Variants in IL1RAPL2 observed in about 807,000 individuals in gnomAD.
IL1RAPL2 encodes X-linked interleukin-1 receptor accessory protein-like 2.
IL1RAPL2 carries 3 observed loss-of-function variants against 44.1 expected under a neutral mutation model. The ratio of observed to expected loss-of-function variants is 0.07; its 90% CI spans 0.03 to 0.18. IL1RAPL2 has a LOEUF of 0.18. IL1RAPL2 is among the 10% of genes least tolerant of loss of function. The pLI, the probability that IL1RAPL2 is intolerant of heterozygous loss-of-function variation, is 1.00. For synonymous variants in IL1RAPL2, 181 were observed against 178.8 expected, an observed-to-expected ratio of 1.01 and a Z score of -0.10; for missense variants, 391 against 496.4, an observed-to-expected ratio of 0.79 and a Z score of 2.02.
rs187395368 is a variant in IL1RAPL2 at position 105,479,527 on chromosome X, G to T, written c.698-4786G>T. On this transcript the variant is annotated intron_variant, in intron 5 of 10. Coordinates refer to ENST00000372582, the MANE Select transcript of IL1RAPL2 (RefSeq NM_017416.2). ...GGCCGAGGCGGGTGGATTACCTGAG[G>T]TCGGGAGTTCGAGACCAGCCTGACC... Among the ~76,000 whole-genome samples the T allele has an allele frequency of 1.5e-4, 16 of 110,003 alleles. No homozygotes were observed. The Admixed American group carries it at 1.6e-3, about 11-fold the overall frequency.
chrX:105,637,564 A>G (rs2037533429), intron 6 of IL1RAPL2, among the ~76,000 whole-genome samples: 2 of 105,885 alleles, frequency 1.9e-5, no homozygotes, highest in Non-Finnish European at 3.9e-5. Flanking sequence ...AATCTGAATG[A>G]CAATTGTCTG....
chrX:104,941,236 T>C (rs1384783148), intron 2 of IL1RAPL2, among the ~76,000 whole-genome samples: 4 of 110,957 alleles, frequency 3.6e-5, no homozygotes, highest in Non-Finnish European at 7.5e-5. Context: ...AATGGCTGGG[T>C]CAAATGGTAT....
intron 5 of IL1RAPL2, among the ~76,000 whole-genome samples, chrX:105,400,615 T>C (rs1007782446): frequency 1.4e-4 from 16 of 111,718 alleles, no homozygotes; most frequent in African/African-American, 4.9e-4. Flanking sequence ...ATCCTAATGC[T>C]GTTGGTGATG....
chrX:105,588,271 G>A (rs995744392), intron 6 of IL1RAPL2, among the ~76,000 whole-genome samples: 12 of 111,333 alleles, frequency 1.1e-4, no homozygotes, highest in Non-Finnish European at 1.3e-4. Flanking sequence ...CAAGATCACC[G>A]TGTATTATTC....
chrX:105,681,123 G>A (rs2037921784), intron 6 of IL1RAPL2, among the ~76,000 whole-genome samples: 1 of 111,547 alleles, frequency 9.0e-6, no homozygotes, highest in African/African-American at 3.3e-5. Context: ...GGTCTTCAAG[G>A]GAAAGGGGAA....
chrX:105,036,951 G>A (rs73518240), intron 2 of IL1RAPL2, among the ~76,000 whole-genome samples: 7,661 of 111,539 alleles, frequency 0.069, 697 homozygotes, highest in African/African-American at 0.24. Context: ...TCTAGAGAAA[G>A]TGGAGAAACT....
At chrX:105,105,060 G>A (rs1407505607) in intron 2 of IL1RAPL2, among the ~76,000 whole-genome samples, 2 of 111,768 alleles carry the variant, frequency 1.8e-5, no homozygotes, top group Non-Finnish European at 3.8e-5. Context: ...ATAATTACTT[G>A]TTAGGCAATT....
intron 2 of IL1RAPL2, among the ~76,000 whole-genome samples, chrX:105,106,432 A>T (rs1357576721): frequency 9.0e-6 from 1 of 110,790 alleles, no homozygotes; most frequent in Non-Finnish European, 1.9e-5. Context: ...AATAAGTACT[A>T]GTTGGATAAT....
At chrX:105,443,501 C>T (rs1602414296) in intron 5 of IL1RAPL2, among the ~76,000 whole-genome samples, 1 of 111,729 alleles carries the variant, frequency 9.0e-6, no homozygotes, top group African/African-American at 3.3e-5. Flanking sequence ...CCACAATCCC[C>T]CACTACCTTT....
In IL1RAPL2 at chrX:105,523,441, C is replaced by A. The variant is rs2147790227; in HGVS notation, c.772+39054C>A. On this transcript the variant is annotated intron_variant, in intron 6 of 10. Coordinates refer to ENST00000372582, the MANE Select transcript of IL1RAPL2 (RefSeq NM_017416.2). ...TCCTGTAGCATGTTTTTCACAGAGC[C>A]TGGTACATACTAAGTGTTCAAATCC... 1.8e-5 allele frequency among the ~76,000 whole-genome samples: 2 copies of A among 111,438 alleles called. 1 individual carries two copies. The highest frequency in any genetic ancestry group is 1.9e-4 in the Admixed American group (2 of 10,477).
intron 2 of IL1RAPL2, among the ~76,000 whole-genome samples, chrX:104,980,480 C>T (rs1160678060): frequency 8.9e-6 from 1 of 112,124 alleles, no homozygotes; most frequent in East Asian, 2.8e-4. Context: ...CTTTGCAAGG[C>T]TTCTCTCTAT....
chrX:104,868,350 T>C (rs1387994560), intron 2 of IL1RAPL2, among the ~76,000 whole-genome samples: 2 of 112,214 alleles, frequency 1.8e-5, no homozygotes, highest in Non-Finnish European at 3.8e-5. Flanking sequence ...TTGTGAGATA[T>C]TAACTCTTCT....
At chrX:105,075,950 T>A (rs1299567699) in intron 2 of IL1RAPL2, among the ~76,000 whole-genome samples, 6 of 111,791 alleles carry the variant, frequency 5.4e-5, no homozygotes, top group African/African-American at 9.8e-5. Flanking sequence ...TTTACTAGTC[T>A]TGCTAGCGGT....
chrX:105,157,552 C>T (rs1254635264), intron 2 of IL1RAPL2, among the ~76,000 whole-genome samples: 1 of 112,111 alleles, frequency 8.9e-6, no homozygotes, highest in Non-Finnish European at 1.9e-5. Flanking sequence ...AGAATGAATG[C>T]ATTTGTAAGA....
intron 5 of IL1RAPL2, among the ~76,000 whole-genome samples, chrX:105,358,835 A>G (rs762590231): frequency 8.9e-6 from 1 of 112,036 alleles, no homozygotes; most frequent in African/African-American, 3.2e-5. Context: ...TAAATGGAGT[A>G]AGTATGAGAC....
intron 2 of IL1RAPL2, among the ~76,000 whole-genome samples, chrX:104,761,493 C>A (rs1464954894): frequency 9.1e-6 from 1 of 110,088 alleles, no homozygotes; most frequent in Non-Finnish European, 1.9e-5. Context: ...ATATCATTCT[C>A]CTCCGGCCCC....
At chrX:104,780,124 C>T (rs769094003) in intron 2 of IL1RAPL2, among the ~76,000 whole-genome samples, 9 of 110,949 alleles carry the variant, frequency 8.1e-5, no homozygotes, top group African/African-American at 1.6e-4. Context: ...GTCCACAGGC[C>T]AAGAAACAAA....
chrX:104,964,279 GATTTATTTATTTATTTATTT>G (rs199756067), intron 2 of IL1RAPL2, among the ~76,000 whole-genome samples: 5 of 100,890 alleles, frequency 5.0e-5, no homozygotes, highest in African/African-American at 1.1e-4. Flanking sequence ...TTGTGCCAGG[GATTTATTTATTTATTTATTT>G]ATTTATTTAT....
At chrX:105,183,664 C>T (rs1286424757) in intron 2 of IL1RAPL2, among the ~76,000 whole-genome samples, 2 of 111,519 alleles carry the variant, frequency 1.8e-5, no homozygotes, top group Non-Finnish European at 3.8e-5. Context: ...CTCTCTTTGT[C>T]CCAGGGGCAG....
Sources: allele counts gnomAD v4.1 joint callset (sites outside exome capture counted in the v4.1 genomes callset), GRCh38; gene constraint gnomAD v4.1.1; transcripts MANE v1.5; gene names NCBI Gene and HGNC (gene_info 2026-07-23, HGNC 2026-07-21).